PTK2: variants seen among roughly 807,000 people sequenced by gnomAD.
PTK2 encodes the protein focal adhesion kinase 1.
PTK2 carries 45 observed loss-of-function variants against 150.1 expected under a neutral mutation model. The observed-to-expected ratio is 0.30, with a 90% CI of 0.24 to 0.38. The LOEUF is 0.38. PTK2 is among the 10% of genes least tolerant of loss of function. PTK2 has a pLI of 1.00. For synonymous variants in PTK2, 432 were observed against 449.2 expected (o/e 0.96, Z 0.48); for missense variants, 919 against 1,307.3 (o/e 0.70, Z 4.58).
At chr8:140,807,931 ATT>A (rs2154600859) in intron 10 of PTK2, among the ~76,000 whole-genome samples, 2 of 152,288 alleles carry the variant, frequency 1.3e-5, no homozygotes, top group East Asian at 3.9e-4. Context: ...CACTGTCATC[ATT>A]GGCAAGGCAT....
intron 16 of PTK2, among the ~76,000 whole-genome samples, chr8:140,758,536 CA>C (rs1254882502): frequency 6.6e-6 from 1 of 152,184 alleles, no homozygotes; most frequent in Admixed American, 6.5e-5. Flanking sequence ...GAGGACCTTC[CA>C]GTGGGACAAG....
At chr8:140,782,648 T>C (rs553771592) in intron 14 of PTK2, among the ~76,000 whole-genome samples, 1 of 152,304 alleles carries the variant, frequency 6.6e-6, no homozygotes, top group Non-Finnish European at 1.5e-5. Flanking sequence ...GCAAGGTTTT[T>C]TTTTTTCTTT....
chr8:140,800,003 T>G (rs193026108), intron 12 of PTK2, among the ~76,000 whole-genome samples: 17 of 152,324 alleles, frequency 1.1e-4, no homozygotes, highest in Admixed American at 9.2e-4. Context: ...CATTCTAATC[T>G]TTGATTTTTT....
chr8:140,875,417 T>C lies in PTK2; in HGVS notation c.362+4054A>G, dbSNP rs116288807. On this transcript the variant is annotated intron_variant, in intron 4 of 31. Transcript: ENST00000522684. ...TTTATGGAAAGAACTCTAAAATATATTAAAGAATTTAATGGAAGGAAAACT... is the reference window on the plus strand; with the variant it reads ...TTTATGGAAAGAACTCTAAAATATACTAAAGAATTTAATGGAAGGAAAACT... Among the ~76,000 whole-genome samples, 1,104 of 152,156 alleles carry C rather than the reference T, an allele frequency of 7.3e-3. 10 individuals are homozygous for C. Among genetic ancestry groups the C allele is most frequent in the African/African-American group, 0.025 (1,020 of 41,514 alleles).
At chr8:140,904,631 C>CT (rs1386111026) in intron 2 of PTK2, among the ~76,000 whole-genome samples, 13 of 151,594 alleles carry the variant, frequency 8.6e-5, no homozygotes, top group South Asian at 2.1e-4. Context: ...TGGTCCTGGG[C>CT]TTTTTTTTGG....
chr8:140,885,739 G>A (rs1475625929), intron 3 of PTK2, among the ~76,000 whole-genome samples: 1 of 152,120 alleles, frequency 6.6e-6, no homozygotes, highest in African/African-American at 2.4e-5. Flanking sequence ...CTGATTCGGT[G>A]ATTAGTATGT....
intron 7 of PTK2, among the ~76,000 whole-genome samples, chr8:140,843,252 C>A (rs1397036502): frequency 6.6e-6 from 1 of 152,162 alleles, no homozygotes; most frequent in Non-Finnish European, 1.5e-5. Context: ...CCTTGACAGA[C>A]AACCTGCTTT....
chr8:140,959,960 T>C (rs979153142), intron 1 of PTK2, among the ~76,000 whole-genome samples: 29 of 150,870 alleles, frequency 1.9e-4, no homozygotes, highest in Admixed American at 5.3e-4. Context: ...AAGGCTGCAA[T>C]GAGCCTGGTC....
At chr8:140,923,535 T>C (rs974321736) in intron 2 of PTK2, among the ~76,000 whole-genome samples, 1 of 152,200 alleles carries the variant, frequency 6.6e-6, no homozygotes, top group Non-Finnish European at 1.5e-5. Context: ...TCCTGCTAAA[T>C]ATTAAAGACA....
intron 1 of PTK2, among the ~76,000 whole-genome samples, chr8:140,989,421 T>C (rs1048201198): frequency 6.0e-5 from 9 of 150,344 alleles, no homozygotes; most frequent in African/African-American, 2.2e-4. Context: ...AAAAAACTAC[T>C]GAGACTCAGT....
intron 1 of PTK2, among the ~76,000 whole-genome samples, chr8:140,999,494 G>A (rs546065498): frequency 5.9e-5 from 9 of 152,246 alleles, no homozygotes; most frequent in Non-Finnish European, 1.3e-4. Flanking sequence ...CAAAGATATT[G>A]GGACACAAAC....
intron 4 of PTK2, among the ~76,000 whole-genome samples, chr8:140,877,717 A>G (rs1200650743): frequency 6.6e-6 from 1 of 152,042 alleles, no homozygotes; most frequent in Non-Finnish European, 1.5e-5. Flanking sequence ...TTCATCTAGT[A>G]GGGTCAATCT....
At chr8:140,891,488 G>A (rs535325919) in intron 2 of PTK2, among the ~76,000 whole-genome samples, 6 of 152,166 alleles carry the variant, frequency 3.9e-5, no homozygotes, top group African/African-American at 1.4e-4. Context: ...ATATTCTGAG[G>A]CAACCAAGAC....
intron 2 of PTK2, among the ~76,000 whole-genome samples, chr8:140,893,881 G>A (rs886999717): frequency 1.3e-5 from 2 of 152,062 alleles, no homozygotes; most frequent in African/African-American, 2.4e-5. Flanking sequence ...AAGGATGTGG[G>A]GAAACAGAAC....
chr8:140,694,126 C>T (rs573199057), intron 26 of PTK2, among the ~76,000 whole-genome samples: 31 of 151,108 alleles, frequency 2.1e-4, no homozygotes, highest in South Asian at 6.3e-4. Context: ...CTGCAAGCTC[C>T]GCCTCCTGGG....
At chr8:140,967,352 T>C (rs1345877494) in intron 1 of PTK2, among the ~76,000 whole-genome samples, 1 of 152,190 alleles carries the variant, frequency 6.6e-6, no homozygotes, top group African/African-American at 2.4e-5. Flanking sequence ...AATTATAAGT[T>C]ATCTGGCTGG....
At chr8:140,986,713 A>G (rs954966365) in intron 1 of PTK2, among the ~76,000 whole-genome samples, 1 of 152,188 alleles carries the variant, frequency 6.6e-6, no homozygotes, top group Non-Finnish European at 1.5e-5. Flanking sequence ...GCAGAACTAG[A>G]GCTATGAGGG....
intron 14 of PTK2, among the ~76,000 whole-genome samples, chr8:140,776,387 T>C (rs1385891940): frequency 1.3e-5 from 2 of 152,242 alleles, no homozygotes; most frequent in Non-Finnish European, 1.5e-5. Flanking sequence ...CCACTTGTAA[T>C]TGCTGCTAAT....
chr8:140,803,705 G>C, intron 10 of PTK2, 55 bp from the exon 11 acceptor site: 1 of 1,456,772 alleles, frequency 6.9e-7, no homozygotes, highest in Non-Finnish European at 9.6e-7. Context: ...TCATTTCACA[G>C]AGTCTGTAAA....
Sources: gnomAD v4.1 joint callset for allele counts (sites outside exome capture counted in the v4.1 genomes callset) on GRCh38, gnomAD v4.1.1 for gene constraint, MANE v1.5 for transcripts, NCBI Gene and HGNC (gene_info 2026-07-23, HGNC 2026-07-21) for gene names.